The following PPM1H variants were observed in gnomAD, a reference collection of about 807,000 sequenced individuals.
PPM1H encodes protein phosphatase 1H.
PPM1H carries 27 observed loss-of-function variants against 54.9 expected under a neutral mutation model. The ratio of observed to expected loss-of-function variants is 0.49; its 90% confidence interval spans 0.36 to 0.68. The LOEUF (loss-of-function observed/expected upper bound fraction) is 0.68. PPM1H is among the 30% of genes least tolerant of loss of function. The pLI is 0.00. For synonymous variants in PPM1H, 305 were observed against 270.8 expected, an observed-to-expected ratio of 1.13 and a Z score of -1.24; for missense variants, 596 against 667.8, an observed-to-expected ratio of 0.89 and a Z score of 1.19.
chr12:62,877,832 T>C (rs1264913041), intron 1 of PPM1H, among the ~76,000 whole-genome samples: 1 of 152,202 alleles, frequency 6.6e-6, no homozygotes, highest in Non-Finnish European at 1.5e-5. Flanking sequence ...GACTATTATT[T>C]TGTATTTGCA....
Position 62,806,248 on chromosome 12 carries a change from T to C in PPM1H, c.412-4088A>G, listed in dbSNP as rs534765474. The stretch of plus-strand genomic sequence containing the variant: ...GCTAGAAGACACTGAGTAGATATGG[T>C]GACATGAACCATTACTCTGTGCTCT... On this transcript the variant is annotated intron_variant, in intron 2 of 9. Transcript: ENST00000228705. 1.2e-4 allele frequency among the ~76,000 whole-genome samples: 18 copies of C among 152,250 alleles called. No individual in the cohort carries two copies. The South Asian group carries it at 2.1e-3, about 18-fold the overall frequency.
intron 8 of PPM1H, among the ~76,000 whole-genome samples, chr12:62,675,255 A>G (rs2075979401): frequency 6.6e-6 from 1 of 152,202 alleles, no homozygotes. Context: ...CAGCTAAAAT[A>G]TGAGGTATTG....
intron 1 of PPM1H, among the ~76,000 whole-genome samples, chr12:62,912,421 G>C (rs1429756292): frequency 6.6e-6 from 1 of 152,148 alleles, no homozygotes; most frequent in Admixed American, 6.5e-5. Flanking sequence ...AGGAAGGACA[G>C]GGCTTCCACA....
At chr12:62,851,454 A>C (rs1486051016) in intron 1 of PPM1H, among the ~76,000 whole-genome samples, 1 of 151,746 alleles carries the variant, frequency 6.6e-6, no homozygotes, top group African/African-American at 2.4e-5. Context: ...TGTAATCCCA[A>C]CACTTTCAGA....
chr12:62,929,175 T>C lies in PPM1H; in HGVS notation c.245+5317A>G, dbSNP rs1872057242. ...CATTTTAATTTAATTTCAAAGAAAG[T>C]ACAAAAGGGGAAAGATTATGCTATA... On this transcript the variant is annotated intron_variant, in intron 1 of 9. Transcript: ENST00000228705. Among the ~76,000 whole-genome samples the C allele has an allele frequency of 2.0e-5, 3 of 152,266 alleles. No individual in the cohort carries two copies. In the South Asian group the frequency reaches 6.2e-4, roughly 32 times the overall value.
chr12:62,712,280 C>T (rs1023234713), intron 6 of PPM1H, among the ~76,000 whole-genome samples: 1 of 152,224 alleles, frequency 6.6e-6, no homozygotes, highest in African/African-American at 2.4e-5. Flanking sequence ...GCCCCTGTCT[C>T]TACAAGGTCA....
intron 5 of PPM1H, among the ~76,000 whole-genome samples, chr12:62,729,142 C>T (rs747872343): frequency 1.3e-5 from 2 of 152,098 alleles, no homozygotes; most frequent in Non-Finnish European, 2.9e-5. Flanking sequence ...CAGAGCTGAC[C>T]CACACAAGTG....
At chr12:62,825,778 A>G (rs546636090) in intron 2 of PPM1H, among the ~76,000 whole-genome samples, 8 of 152,168 alleles carry the variant, frequency 5.3e-5, no homozygotes, top group Non-Finnish European at 7.3e-5. Flanking sequence ...GAAATACCTA[A>G]TGAAAATGAT....
At chr12:62,853,939 A>C (rs1172454311) in intron 1 of PPM1H, among the ~76,000 whole-genome samples, 1 of 152,244 alleles carries the variant, frequency 6.6e-6, no homozygotes, top group Non-Finnish European at 1.5e-5. Flanking sequence ...AAATTCACAG[A>C]GTACTACAGA....
At chr12:62,731,069 G>A (rs1014451943) in intron 5 of PPM1H, among the ~76,000 whole-genome samples, 3 of 152,132 alleles carry the variant, frequency 2.0e-5, no homozygotes, top group South Asian at 4.1e-4. Context: ...AACTGAATAC[G>A]AATAAAATTC....
chr12:62,753,818 T>A (rs2076455150), intron 4 of PPM1H, among the ~76,000 whole-genome samples: 1 of 152,176 alleles, frequency 6.6e-6, no homozygotes, highest in Admixed American at 6.5e-5. Flanking sequence ...ATAAGGGGGA[T>A]CAGGGCGGGC....
chr12:62,832,958 G>A (rs1248170963), intron 1 of PPM1H, among the ~76,000 whole-genome samples: 3 of 151,994 alleles, frequency 2.0e-5, no homozygotes, highest in Non-Finnish European at 4.4e-5. Flanking sequence ...TGCTTTGCTC[G>A]AATTACTACA....
At chr12:62,880,573 G>A (rs916768161) in intron 1 of PPM1H, among the ~76,000 whole-genome samples, 1 of 152,108 alleles carries the variant, frequency 6.6e-6, no homozygotes. Flanking sequence ...CCCTCCATCA[G>A]CACTCCCGAT....
intron 1 of PPM1H, among the ~76,000 whole-genome samples, chr12:62,861,375 A>C (rs1485982017): frequency 6.6e-6 from 1 of 152,254 alleles, no homozygotes; most frequent in African/African-American, 2.4e-5. Flanking sequence ...GGAAACAGTA[A>C]GTAGTTAATA....
intron 4 of PPM1H, among the ~76,000 whole-genome samples, chr12:62,739,005 G>A (rs1479219049): frequency 1.5e-4 from 22 of 151,582 alleles, no homozygotes; most frequent in Non-Finnish European, 3.1e-4. Flanking sequence ...GCGGCGGAGG[G>A]GCGGGCAGCG....
intron 7 of PPM1H, 37 bp downstream of exon 7, chr12:62,693,899 C>T: frequency 6.3e-7 from 1 of 1,580,178 alleles, no homozygotes; most frequent in Non-Finnish European, 8.7e-7. Flanking sequence ...GGGACAGAGC[C>T]CTGTCCTCTC....
At chr12:62,862,368 C>G (rs1869632874) in intron 1 of PPM1H, among the ~76,000 whole-genome samples, 1 of 152,186 alleles carries the variant, frequency 6.6e-6, no homozygotes, top group African/African-American at 2.4e-5. Flanking sequence ...AAGGGCTTTT[C>G]ACTACATATA....
chr12:62,664,833 A>C (rs1003848397), intron 9 of PPM1H, among the ~76,000 whole-genome samples: 1 of 152,126 alleles, frequency 6.6e-6, no homozygotes, highest in Non-Finnish European at 1.5e-5. Flanking sequence ...TTGCCTGAAA[A>C]TTTGTTTACT....
intron 7 of PPM1H, among the ~76,000 whole-genome samples, chr12:62,690,773 A>G (rs1224261003): frequency 6.6e-6 from 1 of 152,122 alleles, no homozygotes; most frequent in African/African-American, 2.4e-5. Flanking sequence ...GGAGTTTGAG[A>G]CCAGCCTGGC....
Sources: gnomAD v4.1 joint callset for allele counts (sites outside exome capture counted in the v4.1 genomes callset) on GRCh38, gnomAD v4.1.1 for gene constraint, MANE v1.5 for transcripts, NCBI Gene and HGNC (gene_info 2026-07-23, HGNC 2026-07-21) for gene names.